The following IRF3 variants were observed in gnomAD, a reference collection of about 807,000 sequenced individuals.
IRF3 encodes the protein interferon regulatory factor 3.
A neutral mutation model predicts 43.2 loss-of-function variants in IRF3; 29 were observed. The observed-to-expected ratio is 0.67, with a 90% CI of 0.50 to 0.91. The LOEUF (loss-of-function observed/expected upper bound fraction) is 0.91, where lower values mean the gene tolerates loss of function less well. Ranked by LOEUF, IRF3 falls within the 40% of genes least tolerant of loss-of-function variation. The probability of loss-of-function intolerance (pLI) is 0.00; values close to 1 mark genes in which losing one functional copy is unlikely to be tolerated. For synonymous variants in IRF3, 228 were observed against 233.9 expected, an observed-to-expected ratio of 0.97 and a Z score of 0.23; for missense variants, 505 against 559.1, an observed-to-expected ratio of 0.90 and a Z score of 0.98.
In IRF3 at chr19:49,665,736, A is replaced by T; in HGVS notation, c.-114T>A. 3 of 1,488,252 alleles carry T rather than the reference A, an allele frequency of 2.0e-6. No individual in the cohort carries two copies. The highest frequency in any genetic ancestry group is 2.7e-6 in the Non-Finnish European group (3 of 1,111,406). 92.2% of individuals were successfully genotyped at this position (1,488,252 alleles called of 1,614,324 possible). A position where few individuals can be genotyped will look rare whatever the true frequency, so the allele number is the denominator to read the frequency against. ...TGCGCACCCCCTTTCCCGTCAGCTGAGCTCTAGAGCGCTGGGGCTTTCTTT... is the reference window on the plus strand; with the variant it reads ...TGCGCACCCCCTTTCCCGTCAGCTGTGCTCTAGAGCGCTGGGGCTTTCTTT... On this transcript the variant is annotated 5_prime_UTR_variant, in exon 1 of 8. Coordinates refer to ENST00000377139, the MANE Select transcript of IRF3 (RefSeq NM_001571.6).
chr19:49,665,202 C>G, intron 1 of IRF3: 1 of 246,322 alleles, frequency 4.1e-6, no homozygotes, highest in Non-Finnish European at 8.1e-6. Context: ...AGTGCAGAAT[C>G]GATTCACGTG....
chr19:49,664,474 C>T (rs750576845), intron 2 of IRF3, 200 bp downstream of exon 2: 1 of 1,536,112 alleles, frequency 6.5e-7, no homozygotes, highest in Non-Finnish European at 8.7e-7. Flanking sequence ...CGTAACCCTG[C>T]AGCTCCAACC....
At position 49,662,042 on chromosome 19, in the gene IRF3, G is replaced by C; in HGVS notation, c.888C>G (p.Ser296Arg). 6.2e-7 allele frequency: 1 copy of C among 1,614,010 alleles called. No homozygotes were observed. The highest frequency in any genetic ancestry group is 8.5e-7 in the Non-Finnish European group (1 of 1,179,978). The change falls in exon 6 of 8, where the codon AGC (serine) becomes AGG (arginine). Residue 296 changes from serine to arginine, a missense_variant. By Grantham distance (110) the Ser-to-Arg change is moderately radical (BLOSUM62 -1). Coordinates refer to ENST00000377139, the MANE Select transcript of IRF3 (RefSeq NM_001571.6). ...LGHCHTYWAV[S>R]EELLPNSGHG... ...GCCCGCTGTTGGGGAGCAGCTCCTCGCTCACTGCCCAGTATGTGTGGCAGT... is the reference window on the plus strand; with the variant it reads ...GCCCGCTGTTGGGGAGCAGCTCCTCCCTCACTGCCCAGTATGTGTGGCAGT...
chr19:49,659,613 A>AG lies in IRF3; in HGVS notation c.*34dup, dbSNP rs750476278. On this transcript the variant is annotated 3_prime_UTR_variant, in exon 8 of 8. Transcript: ENST00000377139. The stretch of plus-strand genomic sequence containing the variant: ...TTTATTGGTTGAGGTGGTGGGGAAC[A>AG]GGGGGGTTGGAGGCACACCATGAGG... 5.7e-6 allele frequency: 9 copies of AG among 1,589,784 alleles called. No homozygotes were observed. Among genetic ancestry groups the AG allele is most frequent in the Non-Finnish European group, 6.0e-6 (7 of 1,168,372 alleles).
At chr19:49,662,741 C>A in intron 4 of IRF3, 124 bp from the exon 5 acceptor site, 1 of 782,380 alleles carries the variant, frequency 1.3e-6, no homozygotes, top group Non-Finnish European at 2.0e-6. Flanking sequence ...CAAGGGGCTT[C>A]CAGCCTGGGG....
rs78378281 is a variant in IRF3 at position 49,661,146 on chromosome 19, A to G, written c.983-318T>C. 5.7e-3 allele frequency: 2,155 copies of G among 379,366 alleles called. 45 individuals carry two copies. Among genetic ancestry groups the G allele is most frequent in the African/African-American group, 0.042 (2,005 of 47,622 alleles). The allele number at this position is 379,366 out of a possible 1,614,324, so 23.5% of individuals were successfully genotyped here. A position where few individuals can be genotyped will look rare whatever the true frequency, so the allele number is the denominator to read the frequency against. On this transcript the variant is annotated intron_variant, in intron 6 of 7. Transcript: ENST00000377139. ...GGCATTCAGTCCTGTCTGAGGCTGC[A>G]TTGTCCAATTGCAGCCATTAGTCAT...
At position 49,663,487 on chromosome 19, in the gene IRF3, C is replaced by T. The variant is rs1568462177; in HGVS notation, c.193G>A (p.Val65Ile). 1 of 1,614,166 alleles carries T rather than the reference C, an allele frequency of 6.2e-7. No homozygotes were observed. The highest frequency in any genetic ancestry group is 8.5e-7 in the Non-Finnish European group (1 of 1,180,028). ...QAWAEATGAYVPGRDKPDLPT... is the reference protein window; with the variant it reads ...QAWAEATGAYIPGRDKPDLPT... ...AGGTCTGGCTTATCCCTCCCGGGAACATATGCACCAGTGGCCTCGGCCCAG... is the reference window on the plus strand; with the variant it reads ...AGGTCTGGCTTATCCCTCCCGGGAATATATGCACCAGTGGCCTCGGCCCAG... Residue 65 changes from valine to isoleucine, a missense_variant, in exon 3 of 8, where the codon GTT becomes ATT. Val to Ile is a conservative substitution (Grantham distance 29). Transcript: ENST00000377139.
chr19:49,659,996 C>CAT (rs770396432), intron 7 of IRF3, among the ~76,000 whole-genome samples, 163 bp from the exon 8 acceptor site: 2,678 of 120,456 alleles, frequency 0.022, 78 homozygotes, highest in Middle Eastern at 0.08. Flanking sequence ...CACACACACA[C>CAT]ACACACACAC....
rs1193302131 is a variant in IRF3 at position 49,659,815 on chromosome 19, T to C, written c.1117A>G (p.Arg373Gly). The change falls in exon 8 of 8, where the codon AGG becomes GGG. Residue 373 changes from arginine to glycine, a missense_variant. Arg to Gly is a moderately radical substitution (Grantham distance 125, BLOSUM62 -2). Transcript: ENST00000377139. Reference protein sequence around the residue: ...VMVKVVPTCLRALVEMARVGG... With the variant: ...VMVKVVPTCLGALVEMARVGG... ...ACCCGGGCCATTTCTACCAAGGCCC[T>C]GAGGCACGTGGGCACAACCTGCAGG... 3 of 1,593,792 alleles carry C rather than the reference T, an allele frequency of 1.9e-6. No homozygotes were observed. The highest frequency in any genetic ancestry group is 2.6e-6 in the Non-Finnish European group (3 of 1,166,884).
intron 7 of IRF3, 100 bp from the exon 8 acceptor site, chr19:49,659,933 G>A: frequency 7.6e-7 from 1 of 1,310,790 alleles, no homozygotes; most frequent in Admixed American, 2.6e-5. Flanking sequence ...TGCAGCCCCT[G>A]CTGTAACCTA....
Position 49,663,440 on chromosome 19 carries a change from G to T in IRF3, c.240C>A (p.Phe80Leu). The T allele has an allele frequency of 6.2e-7, 1 of 1,614,190 alleles. No individual in the cohort carries two copies. The highest frequency in any genetic ancestry group is 1.3e-5 in the African/African-American group (1 of 75,056). The change falls in exon 3 of 8, where the codon TTC (phenylalanine) becomes TTA (leucine). Residue 80 changes from phenylalanine (F) to leucine (L), a missense_variant. Transcript: ENST00000377139. ...CTTCTTTGCGGTTGAGGGCAGAGCG[G>T]AAATTCCTCTTCCAGGTTGGCAGGT... Reference protein sequence around the residue: ...KPDLPTWKRNFRSALNRKEGL... With the variant: ...KPDLPTWKRNLRSALNRKEGL...
Position 49,665,676 on chromosome 19 carries a change from G to C in IRF3, c.-54C>G. On this transcript the variant is annotated 5_prime_UTR_variant, in exon 1 of 8. Transcript: ENST00000377139. ...GTGCGGGCAGCTGGAACCCACCCCT[G>C]TCTTGGAGCTCCGGGTAGCTCTCAA... The C allele has an allele frequency of 8.9e-7, 1 of 1,128,284 alleles. No homozygotes were observed. Among genetic ancestry groups the C allele is most frequent in the African/African-American group, 1.6e-5 (1 of 64,154 alleles). 69.9% of individuals were successfully genotyped at this position (1,128,284 alleles called of 1,614,324 possible).
intron 2 of IRF3, chr19:49,663,782 G>A (rs1433902061): frequency 2.6e-5 from 11 of 428,364 alleles, no homozygotes; most frequent in East Asian, 9.7e-5. Flanking sequence ...TGCAACTTCC[G>A]CCTCCCCGGT....
intron 2 of IRF3, chr19:49,664,384 A>G (rs1375889391): frequency 7.9e-7 from 1 of 1,266,826 alleles, no homozygotes; most frequent in Admixed American, 2.1e-5. Flanking sequence ...CCTACAACCA[A>G]GAGCCCCGGC....
rs764972753 is a variant in IRF3 at position 49,664,640 on chromosome 19, C to G, written c.165+34G>C. 18 of 1,610,246 alleles carry G rather than the reference C, an allele frequency of 1.1e-5. No homozygotes were observed. In the East Asian group the frequency reaches 3.8e-4, roughly 34 times the overall value. Reference sequence around the variant, plus strand: ...AGTCCTTTCCGCCCAGCGCGCAGCTCCGGGTTTCCAGCGTCCCAGGTCGTC... The same window carrying G: ...AGTCCTTTCCGCCCAGCGCGCAGCTGCGGGTTTCCAGCGTCCCAGGTCGTC... On this transcript the variant is annotated intron_variant, in intron 2 of 7. Coordinates refer to ENST00000377139, the MANE Select transcript of IRF3 (RefSeq NM_001571.6).
At position 49,663,224 on chromosome 19, in the gene IRF3, C is replaced by T. The variant is rs34084728; in HGVS notation, c.372G>A (p.Pro124=). The change falls in exon 4 of 8, where the codon CCG becomes CCA. Residue 124 remains proline (P), a synonymous_variant. Coordinates refer to ENST00000377139, the MANE Select transcript of IRF3 (RefSeq NM_001571.6). ...VGDFSQPDTS[P]DTNGGGSTSD... is the part of the protein sequence containing the mutation. Reference sequence around the variant, plus strand: ...AAGTACTGCCTCCACCATTGGTGTCCGGAGAGGTGTCTGGCTGGGAAAAGT... The same window carrying T: ...AAGTACTGCCTCCACCATTGGTGTCTGGAGAGGTGTCTGGCTGGGAAAAGT... The T allele has an allele frequency of 2.1e-5, 34 of 1,614,036 alleles. No individual in the cohort carries two copies. Among genetic ancestry groups the T allele is most frequent in the Middle Eastern group, 1.7e-4 (1 of 6,058 alleles).
intron 1 of IRF3, 173 bp from the exon 2 acceptor site, chr19:49,665,019 C>A (rs903856324): frequency 4.4e-6 from 3 of 675,962 alleles, no homozygotes; most frequent in Non-Finnish European, 4.9e-6. Flanking sequence ...TCCCGAGAGG[C>A]TCTCTAATCA....
intron 6 of IRF3, 165 bp downstream of exon 6, chr19:49,661,783 G>T: frequency 1.3e-6 from 1 of 789,344 alleles, no homozygotes; most frequent in African/African-American, 1.7e-5. Flanking sequence ...GTTTCACTAT[G>T]TTGACCAGGC....
At chr19:49,660,027 A>ACACACACACACACC (rs57168131) in intron 7 of IRF3, among the ~76,000 whole-genome samples, 194 bp from the exon 8 acceptor site, 8 of 74,746 alleles carry the variant, frequency 1.1e-4, no homozygotes, top group African/African-American at 5.9e-4. Context: ...ACACACACAC[A>ACACACACACACACC]CCCCCTGCTG....
Sources: gnomAD v4.1 joint callset for allele counts (sites outside exome capture counted in the v4.1 genomes callset) on GRCh38, gnomAD v4.1.1 for gene constraint, MANE v1.5 for transcripts, NCBI Gene and HGNC (gene_info 2026-07-23, HGNC 2026-07-21) for gene names.